Variants in DLGAP4 observed in about 807,000 individuals in gnomAD.
DLGAP4 encodes disks large-associated protein 4.
A neutral mutation model predicts 86.9 loss-of-function variants in DLGAP4; 18 were observed. That is an observed-to-expected ratio of 0.21 (90% CI 0.14 to 0.31). The LOEUF is 0.31. Ranked by LOEUF, DLGAP4 falls within the 10% of genes least tolerant of loss-of-function variation. DLGAP4 has a pLI of 1.00. For synonymous variants in DLGAP4, 548 were observed against 574.3 expected, an observed-to-expected ratio of 0.95 and a Z score of 0.65; for missense variants, 1,085 against 1,362.6, an observed-to-expected ratio of 0.80 and a Z score of 3.21.
At chr20:36,334,660 G>A (rs2065303610) in intron 1 of DLGAP4, among the ~76,000 whole-genome samples, 1 of 152,132 alleles carries the variant, frequency 6.6e-6, no homozygotes, top group South Asian at 2.1e-4. Flanking sequence ...AGAGCCTGCT[G>A]GATTTTGTAC....
At chr20:36,343,615 A>T (rs1447582348) in intron 1 of DLGAP4, among the ~76,000 whole-genome samples, 1 of 151,584 alleles carries the variant, frequency 6.6e-6, no homozygotes, top group African/African-American at 2.4e-5. Flanking sequence ...TGAGGCTACC[A>T]GGTACCCCCC....
Position 36,443,235 on chromosome 20 carries a change from T to C in DLGAP4, c.1407+458T>C, listed in dbSNP as rs567527920. 5.9e-5 allele frequency among the ~76,000 whole-genome samples: 9 copies of C among 152,256 alleles called. 1 individual carries two copies. The South Asian group carries it at 1.9e-3, about 32-fold the overall frequency. ...TTAAAGATGTTGGGGTGTTGGAGTG[T>C]GTGTGGAGACTTTCCAACTTCACAC... is the stretch of plus-strand genomic sequence containing the variant. On this transcript the variant is annotated intron_variant, in intron 6 of 12. Transcript: ENST00000339266.
chr20:36,366,250 G>A (rs2030685160), intron 1 of DLGAP4, among the ~76,000 whole-genome samples: 1 of 152,080 alleles, frequency 6.6e-6, no homozygotes, highest in Non-Finnish European at 1.5e-5. Flanking sequence ...TAGTAGAGAC[G>A]GGGTTTTACC....
chr20:36,355,830 T>G (rs1555893782), intron 1 of DLGAP4, among the ~76,000 whole-genome samples: 5 of 152,320 alleles, frequency 3.3e-5, no homozygotes, highest in Admixed American at 2.6e-4. Flanking sequence ...ATAACCTCCC[T>G]TTTCCATCCC....
chr20:36,503,419 C>G (rs1485498652), intron 10 of DLGAP4, among the ~76,000 whole-genome samples: 1 of 149,610 alleles, frequency 6.7e-6, no homozygotes, highest in African/African-American at 2.5e-5. Flanking sequence ...TCTAATCTTT[C>G]TGTCTCTGGA....
intron 10 of DLGAP4, among the ~76,000 whole-genome samples, chr20:36,502,284 GT>G (rs1218271366): frequency 6.6e-6 from 1 of 152,038 alleles, no homozygotes; most frequent in Non-Finnish European, 1.5e-5. Flanking sequence ...TTTACATTTT[GT>G]TTTTCCTAAA....
intron 10 of DLGAP4, among the ~76,000 whole-genome samples, chr20:36,521,250 CA>C (rs2037361647): frequency 2.6e-5 from 4 of 152,184 alleles, no homozygotes; most frequent in African/African-American, 9.7e-5. Flanking sequence ...CGTGAGCCTC[CA>C]CGTTCATAAC....
At chr20:36,363,460 A>G (rs1443888692) in intron 1 of DLGAP4, among the ~76,000 whole-genome samples, 3 of 152,196 alleles carry the variant, frequency 2.0e-5, no homozygotes, top group Non-Finnish European at 4.4e-5. Context: ...ACGAGGTGAC[A>G]GTGGCTCGGT....
rs145918129 is a variant in DLGAP4 at position 36,479,685 on chromosome 20, G to C, written c.1649-17020G>C. On this transcript the variant is annotated intron_variant, in intron 7 of 12. Coordinates refer to ENST00000339266, the MANE Select transcript of DLGAP4 (RefSeq NM_001365621.2). ...CTGAGCATGGTGTGTTGGCATGAAGGGGGTGATGGAGAGTTAGAGGGGTGA... is the reference window on the plus strand; with the variant it reads ...CTGAGCATGGTGTGTTGGCATGAAGCGGGTGATGGAGAGTTAGAGGGGTGA... 6.6e-5 allele frequency among the ~76,000 whole-genome samples: 10 copies of C among 152,138 alleles called. No homozygotes were observed. The South Asian group carries it at 1.7e-3, about 25-fold the overall frequency.
chr20:36,318,525 A>G (rs2065133899), intron 1 of DLGAP4, among the ~76,000 whole-genome samples: 1 of 152,138 alleles, frequency 6.6e-6, no homozygotes, highest in African/African-American at 2.4e-5. Flanking sequence ...GGGGTGCACC[A>G]CTGGACCTGG....
chr20:36,355,302 T>C (rs1343534973), intron 1 of DLGAP4, among the ~76,000 whole-genome samples: 17 of 151,576 alleles, frequency 1.1e-4, no homozygotes, highest in East Asian at 7.8e-4. Context: ...TTCTTTCTTT[T>C]TTTTTTTTTT....
chr20:36,503,471 T>C (rs1381090435), intron 10 of DLGAP4, among the ~76,000 whole-genome samples: 1 of 147,918 alleles, frequency 6.8e-6, no homozygotes, highest in African/African-American at 2.5e-5. Flanking sequence ...AATCATACCA[T>C]ATATGGCCTT....
intron 1 of DLGAP4, among the ~76,000 whole-genome samples, chr20:36,315,748 T>G (rs1901474245): frequency 6.6e-6 from 1 of 152,060 alleles, no homozygotes; most frequent in African/African-American, 2.4e-5. Context: ...CACAGAAGGT[T>G]CCAGAGCAGG....
At chr20:36,348,852 G>C (rs1555893225) in intron 1 of DLGAP4, among the ~76,000 whole-genome samples, 1 of 151,548 alleles carries the variant, frequency 6.6e-6, no homozygotes, top group Non-Finnish European at 1.5e-5. Flanking sequence ...TGTAATCCCA[G>C]AACTTTGGGA....
chr20:36,393,972 G>T lies in DLGAP4; in HGVS notation c.-73+26697G>T, dbSNP rs1260181523. 6.6e-6 allele frequency among the ~76,000 whole-genome samples: 1 copy of T among 152,176 alleles called. No individual in the cohort carries two copies. Among genetic ancestry groups the T allele is most frequent in the Non-Finnish European group, 1.5e-5 (1 of 68,018 alleles). ...TACACACAGGGAGGTGGCCTTCACA[G>T]GGTGCCCCCTCCCTCCTCCATGCCG... On this transcript the variant is annotated intron_variant, in intron 2 of 12. Transcript: ENST00000339266. This position sits in a 1 kb window ranked among gnomAD's most constrained non-coding sequence, Gnocchi z 4.4.
At chr20:36,398,290 C>G (rs1384655326) in intron 2 of DLGAP4, among the ~76,000 whole-genome samples, 1 of 152,102 alleles carries the variant, frequency 6.6e-6, no homozygotes, top group Non-Finnish European at 1.5e-5. Flanking sequence ...CAGGGAAGGC[C>G]TTCTGGAGGA....
chr20:36,524,589 A>C (rs2037589387), intron 11 of DLGAP4, among the ~76,000 whole-genome samples: 1 of 152,174 alleles, frequency 6.6e-6, no homozygotes, highest in African/African-American at 2.4e-5. Context: ...GTCAATTAGC[A>C]CTGGTTTATT....
At chr20:36,327,286 C>G (rs1437617104) in intron 1 of DLGAP4, among the ~76,000 whole-genome samples, 5 of 152,104 alleles carry the variant, frequency 3.3e-5, no homozygotes, top group Admixed American at 6.5e-5. Flanking sequence ...AGGCATGAGC[C>G]ACCATGCCTG....
intron 7 of DLGAP4, among the ~76,000 whole-genome samples, chr20:36,491,965 G>A (rs540934693): frequency 2.7e-4 from 41 of 152,302 alleles, no homozygotes; most frequent in African/African-American, 9.4e-4. Context: ...CTCCAAGCCC[G>A]TGGACTGATG....
Sources: gnomAD v4.1 joint callset for allele counts (sites outside exome capture counted in the v4.1 genomes callset) on GRCh38, gnomAD v4.1.1 for gene constraint, Gnocchi (gnomAD v3.1) non-coding constraint, MANE v1.5 for transcripts, NCBI Gene and HGNC (gene_info 2026-07-23, HGNC 2026-07-21) for gene names.